ZMYND8: variants seen among roughly 807,000 people sequenced by gnomAD.
ZMYND8 encodes the protein MYND-type zinc finger-containing chromatin reader ZMYND8.
In ZMYND8, 37 loss-of-function variants were observed where a neutral mutation model predicts 140.8. The observed-to-expected ratio is 0.26, with a 90% CI of 0.20 to 0.35. The LOEUF is 0.35. Among genes scored for constraint, ZMYND8 ranks in the 10% least tolerant of loss-of-function variants. The pLI is 1.00. For synonymous variants in ZMYND8, 592 were observed against 597.1 expected (o/e 0.99, Z 0.12); for missense variants, 1,068 against 1,570.0 (o/e 0.68, Z 5.40).
At chr20:47,276,262 G>A (rs912291537) in intron 11 of ZMYND8, 52 bp downstream of exon 11, 11 of 1,489,338 alleles carry the variant, frequency 7.4e-6, no homozygotes, top group Non-Finnish European at 9.8e-6. Flanking sequence ...GCACCCATGG[G>A]AAACCCCCGT....
intron 2 of ZMYND8, among the ~76,000 whole-genome samples, chr20:47,312,414 C>T (rs1445369337): frequency 6.6e-6 from 1 of 152,156 alleles, no homozygotes; most frequent in Non-Finnish European, 1.5e-5. Flanking sequence ...TGCGTGGAGA[C>T]CCAGTCATGA....
chr20:47,241,606 G>A (rs113354397), intron 14 of ZMYND8, among the ~76,000 whole-genome samples: 1,704 of 152,126 alleles, frequency 0.011, 35 homozygotes, highest in African/African-American at 0.038. Context: ...TGAGCAGCAC[G>A]TAGAGGCGAT....
chr20:47,347,366 T>C (rs959035678), intron 2 of ZMYND8, among the ~76,000 whole-genome samples: 21 of 152,204 alleles, frequency 1.4e-4, no homozygotes, highest in African/African-American at 5.1e-4. Context: ...TTGCTAAATT[T>C]TGAACTAAAT....
At chr20:47,325,831 C>T (rs551982464) in intron 2 of ZMYND8, among the ~76,000 whole-genome samples, 1 of 152,004 alleles carries the variant, frequency 6.6e-6, no homozygotes, top group Non-Finnish European at 1.5e-5. Context: ...TCTTGTTGCC[C>T]AGGCTGGAGT....
chr20:47,255,283 T>A (rs916554916), intron 12 of ZMYND8, among the ~76,000 whole-genome samples: 3 of 152,074 alleles, frequency 2.0e-5, no homozygotes, highest in African/African-American at 7.2e-5. Context: ...GACAGGTGGT[T>A]GGAGGTTACA....
chr20:47,237,657 T>C (rs1200347861), intron 15 of ZMYND8: 1 of 152,264 alleles, frequency 6.6e-6, no homozygotes, highest in Non-Finnish European at 1.5e-5. Context: ...CCTCGCCATC[T>C]GTGAAGGGTT....
chr20:47,258,036 A>G (rs1392731604), intron 12 of ZMYND8, among the ~76,000 whole-genome samples: 1 of 152,196 alleles, frequency 6.6e-6, no homozygotes, highest in African/African-American at 2.4e-5. Flanking sequence ...TTTTGTTTTT[A>G]ATGAAATTGA....
Position 47,211,117 on chromosome 20 carries a change from C to T in ZMYND8, c.3569-220G>A, listed in dbSNP as rs958261935. Among the ~76,000 whole-genome samples, 73 of 152,202 alleles carry T rather than the reference C, an allele frequency of 4.8e-4. 1 individual carries two copies. The highest frequency in any genetic ancestry group is 6.2e-4 in the South Asian group (3 of 4,822). ...ATTTAACGACAACCGGTTGAAAAAA[C>T]GGTAGGGTGTCATGCTCACAGAGAA... On this transcript the variant is annotated intron_variant, in intron 22 of 22. Transcript: ENST00000471951.
At chr20:47,356,353 A>C (rs1202947275) in intron 1 of ZMYND8, 1 of 1,481,222 alleles carries the variant, frequency 6.8e-7, no homozygotes, top group South Asian at 1.3e-5. Flanking sequence ...AAAAGAAGGA[A>C]AAAAAAAAGC....
Position 47,246,352 on chromosome 20 carries a change from T to C in ZMYND8, c.1940A>G (p.Lys647Arg). ...CTTTTTTTTAACAGCAGATGGCTCT[T>C]TGTCCATCTGACAACCTTCTTTGTC... Reference protein sequence around the residue: ...TEDKEGCQMDKEPSAVKKKPK... With the variant: ...TEDKEGCQMDREPSAVKKKPK... The change falls in exon 14 of 23, where the codon AAA becomes AGA. Residue 647 changes from lysine (K) to arginine (R), a missense_variant. By Grantham distance (26) the Lys-to-Arg change is conservative. Coordinates refer to ENST00000471951, the MANE Select transcript of ZMYND8 (RefSeq NM_001281775.3). The C allele has an allele frequency of 6.2e-7, 1 of 1,614,152 alleles. No homozygotes were observed. Among genetic ancestry groups the C allele is most frequent in the Non-Finnish European group, 8.5e-7 (1 of 1,180,018 alleles).
At chr20:47,318,895 A>C (rs759929503) in intron 2 of ZMYND8, 1 of 1,274,356 alleles carries the variant, frequency 7.8e-7, no homozygotes, top group South Asian at 1.2e-5. Context: ...AGGAACATCA[A>C]GTACCTCGGA....
At chr20:47,215,310 T>G (rs1050054237) in intron 21 of ZMYND8, among the ~76,000 whole-genome samples, 6 of 151,944 alleles carry the variant, frequency 3.9e-5, no homozygotes, top group Non-Finnish European at 8.8e-5. Context: ...GAAGCAGAGG[T>G]TGCAGTGAGC....
At chr20:47,319,122 C>T (rs928660684) in intron 2 of ZMYND8, 7 of 1,130,494 alleles carry the variant, frequency 6.2e-6, no homozygotes, top group Non-Finnish European at 7.1e-6. Context: ...CCAGGCCAGC[C>T]CCGGTCTTGT....
Position 47,311,365 on chromosome 20 carries a change from C to T in ZMYND8, c.86-1161G>A, listed in dbSNP as rs189252641. On this transcript the variant is annotated intron_variant, in intron 2 of 22. Coordinates refer to ENST00000471951, the MANE Select transcript of ZMYND8 (RefSeq NM_001281775.3). ...TGGCTCACACCTATAAACCCCAGCA[C>T]CTTGGGAGGCCGAGGCAGGCGGATC... is the stretch of plus-strand genomic sequence containing the variant. Among the ~76,000 whole-genome samples the T allele has an allele frequency of 6.3e-3, 953 of 152,312 alleles. 8 individuals carry two copies. Among genetic ancestry groups the T allele is most frequent in the Non-Finnish European group, 0.011 (715 of 68,020 alleles).
chr20:47,246,636 T>C, intron 13 of ZMYND8, 119 bp from the exon 14 acceptor site: 1 of 1,391,526 alleles, frequency 7.2e-7, no homozygotes, highest in African/African-American at 1.4e-5. Flanking sequence ...TCAAATCGCA[T>C]CACATTGGCC....
chr20:47,350,404 C>A (rs868719010), intron 1 of ZMYND8, among the ~76,000 whole-genome samples: 8 of 150,058 alleles, frequency 5.3e-5, no homozygotes, highest in Non-Finnish European at 5.9e-5. Flanking sequence ...TTTTGAATAG[C>A]CACATCTAAA....
rs140458420 is a variant in ZMYND8 at position 47,271,374 on chromosome 20, C to T, written c.1480+4940G>A. On this transcript the variant is annotated intron_variant, in intron 11 of 22. Transcript: ENST00000471951. ...TTATCATTGTAGCACTAAAGTAGCC[C>T]CAAGCTGCTGTAGTACCTCTAGCAT... Among the ~76,000 whole-genome samples, 11 of 152,290 alleles carry T rather than the reference C, an allele frequency of 7.2e-5. No individual in the cohort carries two copies. In the South Asian group the frequency reaches 8.3e-4, roughly 11 times the overall value.
intron 2 of ZMYND8, among the ~76,000 whole-genome samples, chr20:47,338,560 A>C (rs1200076703): frequency 6.6e-6 from 1 of 152,206 alleles, no homozygotes; most frequent in Non-Finnish European, 1.5e-5. Flanking sequence ...TGCAGACTTC[A>C]GCTCTGGGAA....
chr20:47,335,065 G>A (rs2081287504), intron 2 of ZMYND8, among the ~76,000 whole-genome samples: 1 of 151,916 alleles, frequency 6.6e-6, no homozygotes, highest in Admixed American at 6.6e-5. Flanking sequence ...GGGCAACATA[G>A]TGAAACCTCA....
Sources: gnomAD v4.1 joint callset for allele counts (sites outside exome capture counted in the v4.1 genomes callset) on GRCh38, gnomAD v4.1.1 for gene constraint, MANE v1.5 for transcripts, NCBI Gene and HGNC (gene_info 2026-07-23, HGNC 2026-07-21) for gene names.